SERGEF: variants seen among roughly 807,000 people sequenced by gnomAD.
The protein encoded by SERGEF is secretion-regulating guanine nucleotide exchange factor.
SERGEF carries 51 observed loss-of-function variants against 50.0 expected under a neutral mutation model. The observed-to-expected ratio is 1.02, with a 90% confidence interval of 0.81 to 1.29. SERGEF has a LOEUF of 1.29. Ranked by LOEUF, SERGEF falls within the 50% of genes most tolerant of loss-of-function variation. The pLI is 0.00. For synonymous variants in SERGEF, 205 were observed against 212.4 expected (o/e 0.97, Z 0.30); for missense variants, 521 against 557.0 (o/e 0.94, Z 0.65).
chr11:17,992,764 T>C (rs575408632), intron 7 of SERGEF, among the ~76,000 whole-genome samples, 167 bp downstream of exon 7: 2 of 152,302 alleles, frequency 1.3e-5, no homozygotes, highest in Admixed American at 1.3e-4. Flanking sequence ...GACAAGAAGA[T>C]GGTCTCAGAA....
chr11:17,815,402 C>T (rs1460828708), intron 10 of SERGEF, among the ~76,000 whole-genome samples: 2 of 141,652 alleles, frequency 1.4e-5, no homozygotes, highest in East Asian at 4.3e-4. Context: ...AGTTCCAGAC[C>T]AGCCTGGTAA....
intron 9 of SERGEF, among the ~76,000 whole-genome samples, chr11:17,958,260 A>G (rs1162893890): frequency 1.3e-5 from 2 of 152,190 alleles, no homozygotes; most frequent in Non-Finnish European, 2.9e-5. Flanking sequence ...GAGGGTTGTC[A>G]TTAGTCTGAT....
At chr11:17,802,114 C>T (rs981787971) in intron 10 of SERGEF, among the ~76,000 whole-genome samples, 27 of 152,092 alleles carry the variant, frequency 1.8e-4, no homozygotes, top group African/African-American at 6.5e-4. Flanking sequence ...GCTGGGAAAC[C>T]CAGGCACAGA....
intron 10 of SERGEF, among the ~76,000 whole-genome samples, chr11:17,815,671 C>T (rs1849961091): frequency 6.6e-6 from 1 of 151,692 alleles, no homozygotes; most frequent in Non-Finnish European, 1.5e-5. Flanking sequence ...CACCTGTAAT[C>T]CCAGCACTTT....
chr11:18,004,077 A>T (rs988405997), intron 4 of SERGEF, among the ~76,000 whole-genome samples: 1 of 152,178 alleles, frequency 6.6e-6, no homozygotes, highest in Non-Finnish European at 1.5e-5. Flanking sequence ...ACTGGCCTAT[A>T]CCATTTGCCT....
intron 9 of SERGEF, among the ~76,000 whole-genome samples, chr11:17,930,289 T>C (rs1852327622): frequency 6.6e-6 from 1 of 152,200 alleles, no homozygotes; most frequent in Non-Finnish European, 1.5e-5. Flanking sequence ...AACTTGCCTA[T>C]AGTTACGAAA....
chr11:17,978,200 T>C (rs554578036), intron 8 of SERGEF, among the ~76,000 whole-genome samples: 1 of 152,250 alleles, frequency 6.6e-6, no homozygotes, highest in Non-Finnish European at 1.5e-5. Context: ...TGTAGAGCAG[T>C]ACCTGGCAGA....
intron 9 of SERGEF, among the ~76,000 whole-genome samples, chr11:17,880,258 A>G (rs1851312235): frequency 6.6e-6 from 1 of 152,224 alleles, no homozygotes; most frequent in African/African-American, 2.4e-5. Context: ...GAGGGCTCCC[A>G]CTATGCCTCA....
At chr11:17,825,246 T>G (rs1312702233) in intron 10 of SERGEF, among the ~76,000 whole-genome samples, 1 of 152,232 alleles carries the variant, frequency 6.6e-6, no homozygotes, top group Non-Finnish European at 1.5e-5. Flanking sequence ...TTACTTACTC[T>G]AAGCTCATCT....
At chr11:17,912,807 G>A (rs898560973) in intron 9 of SERGEF, among the ~76,000 whole-genome samples, 4 of 152,096 alleles carry the variant, frequency 2.6e-5, no homozygotes, top group African/African-American at 4.8e-5. Flanking sequence ...GTGGCCTCTC[G>A]GCTCCAGCTT....
In SERGEF at chr11:17,796,301, AGAG is replaced by A. The variant is rs1346173853; in HGVS notation, c.1049-7891_1049-7889del. On this transcript the variant is annotated intron_variant, in intron 10 of 10. Coordinates refer to ENST00000265965, the MANE Select transcript of SERGEF (RefSeq NM_012139.4). ...GGATGATGGTCCTATTGGGCCTGGC[AGAG>A]GACACAGGCACTGTCAGTGTTGGGC... Among the ~76,000 whole-genome samples the A allele has an allele frequency of 6.6e-5, 10 of 152,340 alleles. No homozygotes were observed. In the East Asian group the frequency reaches 1.7e-3, roughly 26 times the overall value.
intron 9 of SERGEF, among the ~76,000 whole-genome samples, chr11:17,946,144 A>G (rs1407692772): frequency 6.6e-6 from 1 of 152,218 alleles, no homozygotes; most frequent in Non-Finnish European, 1.5e-5. Flanking sequence ...CAGAGAAAGC[A>G]AAGTCTCTGG....
chr11:17,988,794 C>A, intron 7 of SERGEF, 39 bp from the exon 8 acceptor site: 10 of 1,584,846 alleles, frequency 6.3e-6, no homozygotes, highest in Non-Finnish European at 7.8e-6. Flanking sequence ...GGTGAGGGAA[C>A]ATTAGTCCAA....
intron 9 of SERGEF, among the ~76,000 whole-genome samples, chr11:17,938,107 T>C (rs1300445403): frequency 6.6e-6 from 1 of 152,228 alleles, no homozygotes; most frequent in East Asian, 1.9e-4. Context: ...AACATATTGC[T>C]AGGACCTCTG....
chr11:17,803,867 G>A (rs1431023573), intron 10 of SERGEF, among the ~76,000 whole-genome samples: 2 of 152,198 alleles, frequency 1.3e-5, no homozygotes, highest in South Asian at 2.1e-4. Flanking sequence ...AGTTCTAGCC[G>A]AGGGTTCAGA....
At chr11:18,007,725 T>TG (rs1011052995) in intron 2 of SERGEF, among the ~76,000 whole-genome samples, 1 of 67,300 alleles carries the variant, frequency 1.5e-5, no homozygotes, top group Non-Finnish European at 4.1e-5. Context: ...ATGGAGGGGG[T>TG]GGGGGAAAGG....
At chr11:17,994,624 G>A (rs1853797278) in intron 6 of SERGEF, among the ~76,000 whole-genome samples, 1 of 152,066 alleles carries the variant, frequency 6.6e-6, no homozygotes, top group South Asian at 2.1e-4. Context: ...ATACCTTGAT[G>A]AAGAAGACAA....
intron 8 of SERGEF, among the ~76,000 whole-genome samples, chr11:17,985,619 C>A (rs140197111): frequency 5.6e-4 from 86 of 152,292 alleles, no homozygotes; most frequent in African/African-American, 2.0e-3. Context: ...GGTACCCTTG[C>A]CAACTCTCCC....
chr11:17,911,237 G>A (rs1426875964), intron 9 of SERGEF, among the ~76,000 whole-genome samples: 2 of 150,664 alleles, frequency 1.3e-5, no homozygotes, highest in African/African-American at 2.4e-5. Flanking sequence ...CAGAGGAAAG[G>A]TGAGTAACTT....
Sources: allele counts gnomAD v4.1 joint callset (sites outside exome capture counted in the v4.1 genomes callset), GRCh38; gene constraint gnomAD v4.1.1; transcripts MANE v1.5; gene names NCBI Gene and HGNC (gene_info 2026-07-23, HGNC 2026-07-21).